The following ZDHHC14 variants were observed in gnomAD, a reference collection of about 807,000 sequenced individuals.
ZDHHC14 encodes the protein palmitoyltransferase ZDHHC14.
In ZDHHC14, 16 loss-of-function variants were observed where a neutral mutation model predicts 47.7. The ratio of observed to expected loss-of-function variants is 0.34; its 90% CI spans 0.23 to 0.51. The LOEUF (loss-of-function observed/expected upper bound fraction) is 0.51. ZDHHC14 is among the 20% of genes least tolerant of loss of function. The probability of loss-of-function intolerance (pLI) is 0.97; values close to 1 mark genes in which losing one functional copy is unlikely to be tolerated. For missense variants in ZDHHC14, 515 were observed against 662.5 expected (o/e 0.78, Z 2.44); for synonymous variants, 293 against 278.9 (o/e 1.05, Z -0.50).
At chr6:157,657,054 AT>A (rs35580971) in intron 8 of ZDHHC14, among the ~76,000 whole-genome samples, 72,229 of 148,506 alleles carry the variant, frequency 0.49, 17,703 homozygotes, top group Admixed American at 0.53. Flanking sequence ...GGGTATTTGT[AT>A]TTTTTTTTTT....
At chr6:157,578,847 G>A (rs1419276937) in intron 2 of ZDHHC14, among the ~76,000 whole-genome samples, 1 of 152,156 alleles carries the variant, frequency 6.6e-6, no homozygotes, top group African/African-American at 2.4e-5. Flanking sequence ...GTGGAACTGT[G>A]AGTCAATTAA....
At chr6:157,523,599 T>TA (rs899259237) in intron 1 of ZDHHC14, among the ~76,000 whole-genome samples, 1 of 151,886 alleles carries the variant, frequency 6.6e-6, no homozygotes, top group Non-Finnish European at 1.5e-5. Flanking sequence ...TTAAATTCAT[T>TA]AAAAAACAAA....
intron 8 of ZDHHC14, among the ~76,000 whole-genome samples, chr6:157,656,480 G>A (rs922208026): frequency 4.6e-5 from 7 of 151,788 alleles, no homozygotes; most frequent in Admixed American, 2.0e-4. Context: ...GATTACAGGC[G>A]CCCGCCACCA....
intron 2 of ZDHHC14, among the ~76,000 whole-genome samples, chr6:157,550,071 A>G (rs889563826): frequency 7.2e-5 from 11 of 152,206 alleles, no homozygotes; most frequent in African/African-American, 2.7e-4. Context: ...GTGGGTGGAA[A>G]GTGGCATTTT....
chr6:157,660,213 A>G (rs1378752778), intron 8 of ZDHHC14, among the ~76,000 whole-genome samples: 3 of 146,562 alleles, frequency 2.0e-5, no homozygotes, highest in Admixed American at 6.8e-5. Flanking sequence ...TTCTTTTTAG[A>G]CGGAGTCTCA....
intron 1 of ZDHHC14, among the ~76,000 whole-genome samples, chr6:157,420,910 G>A (rs543147982): frequency 4.6e-5 from 7 of 152,270 alleles, no homozygotes; most frequent in East Asian, 3.9e-4. Flanking sequence ...AGGAGCAGCC[G>A]TCCTGATCTT....
intron 1 of ZDHHC14, among the ~76,000 whole-genome samples, chr6:157,541,916 T>C (rs527872744): frequency 6.6e-6 from 1 of 152,350 alleles, no homozygotes; most frequent in African/African-American, 2.4e-5. Flanking sequence ...TGTTCATCCA[T>C]TGATAGCTCA....
At chr6:157,460,405 GAAAAAAAAAAAAA>G (rs1164382844) in intron 1 of ZDHHC14, among the ~76,000 whole-genome samples, 69 of 43,388 alleles carry the variant, frequency 1.6e-3, no homozygotes, top group East Asian at 5.4e-3. Flanking sequence ...TCTCTCTCTG[GAAAAAAAAAAAAA>G]AAAAAAAAAA....
intron 3 of ZDHHC14, among the ~76,000 whole-genome samples, chr6:157,623,780 C>T (rs748298099): frequency 1.3e-5 from 2 of 152,060 alleles, no homozygotes; most frequent in Non-Finnish European, 2.9e-5. Flanking sequence ...GATCTCCTGA[C>T]CTCGTGATCT....
At chr6:157,449,644 C>T (rs555855795) in intron 1 of ZDHHC14, among the ~76,000 whole-genome samples, 34 of 152,284 alleles carry the variant, frequency 2.2e-4, no homozygotes, top group African/African-American at 7.2e-4. Flanking sequence ...TGCAGTCTGT[C>T]GTATCTACCT....
chr6:157,393,710 C>G (rs1223291200), intron 1 of ZDHHC14, among the ~76,000 whole-genome samples: 2 of 152,176 alleles, frequency 1.3e-5, no homozygotes, highest in Non-Finnish European at 2.9e-5. Context: ...GATACTGTGT[C>G]TACTTTTTCT....
chr6:157,663,196 C>G (rs1229840610), intron 8 of ZDHHC14, among the ~76,000 whole-genome samples: 1 of 152,234 alleles, frequency 6.6e-6, no homozygotes, highest in East Asian at 1.9e-4. Flanking sequence ...AGGCTTCTAC[C>G]CCCCTGGGAG....
intron 2 of ZDHHC14, among the ~76,000 whole-genome samples, chr6:157,583,489 GT>G (rs75893523): frequency 1.1e-3 from 162 of 147,674 alleles, no homozygotes; most frequent in African/African-American, 3.0e-3. Flanking sequence ...TACCAAAGGT[GT>G]TTTTTTTTTT....
In ZDHHC14 at chr6:157,564,051, G is replaced by A. The variant is rs1270214506; in HGVS notation, c.406+21306G>A. Among the ~76,000 whole-genome samples the A allele has an allele frequency of 5.9e-5, 9 of 152,020 alleles. No individual in the cohort carries two copies. The East Asian group carries it at 1.7e-3, about 29-fold the overall frequency. On this transcript the variant is annotated intron_variant, in intron 2 of 8. Transcript: ENST00000359775. ...CAGGGCCCTTGCAGAGAGGAAACTG[G>A]GCTGGAAATTCAAAGAATGTCTCAG... is the stretch of plus-strand genomic sequence containing the variant.
chr6:157,632,709 T>C (rs1184676450), intron 4 of ZDHHC14, 125 bp from the exon 5 acceptor site: 3 of 961,036 alleles, frequency 3.1e-6, no homozygotes, highest in South Asian at 1.4e-5. Flanking sequence ...CTGGGTGTCG[T>C]AGCACTTACA....
At chr6:157,479,822 A>G (rs1779579639) in intron 1 of ZDHHC14, among the ~76,000 whole-genome samples, 1 of 152,194 alleles carries the variant, frequency 6.6e-6, no homozygotes, top group African/African-American at 2.4e-5. Flanking sequence ...GCCCAGAGAG[A>G]GCTGGAAGGC....
intron 1 of ZDHHC14, among the ~76,000 whole-genome samples, chr6:157,390,943 C>T (rs191009526): frequency 6.6e-6 from 1 of 152,102 alleles, no homozygotes; most frequent in East Asian, 1.9e-4. Flanking sequence ...TTATTGCATG[C>T]CAGACATTGT....
Position 157,655,395 on chromosome 6 carries a change from A to T in ZDHHC14, c.1068+1768A>T, listed in dbSNP as rs564227742. On this transcript the variant is annotated intron_variant, in intron 8 of 8. Coordinates refer to ENST00000359775, the MANE Select transcript of ZDHHC14 (RefSeq NM_024630.3). ...GACTCTAATTTGTGGGTTCAAAACT[A>T]GCCTGGCGACTCCAGTGCCCACGTT... Among the ~76,000 whole-genome samples the T allele has an allele frequency of 2.5e-3, 377 of 152,312 alleles. 1 individual carries two copies. Among genetic ancestry groups the T allele is most frequent in the African/African-American group, 8.8e-3 (367 of 41,572 alleles).
chr6:157,559,654 T>C (rs370454428), intron 2 of ZDHHC14, among the ~76,000 whole-genome samples: 1 of 152,374 alleles, frequency 6.6e-6, no homozygotes, highest in Admixed American at 6.5e-5. Context: ...ATTCATTGTT[T>C]TCACTGTTTT....
Sources: allele counts gnomAD v4.1 joint callset (sites outside exome capture counted in the v4.1 genomes callset), GRCh38; gene constraint gnomAD v4.1.1; transcripts MANE v1.5; gene names NCBI Gene and HGNC (gene_info 2026-07-23, HGNC 2026-07-21).